Variants in SOX5 observed in about 807,000 individuals in gnomAD.
The protein encoded by SOX5 is SRY-box transcription factor 5, also known as transcription factor SOX-5.
In SOX5, 9 loss-of-function variants were observed where a neutral mutation model predicts 92.0. The observed-to-expected ratio is 0.10, with a 90% CI of 0.06 to 0.17. SOX5 has a LOEUF of 0.17. SOX5 is among the 10% of genes least tolerant of loss of function. The probability of loss-of-function intolerance (pLI) is 1.00; values close to 1 mark genes in which losing one functional copy is unlikely to be tolerated. For synonymous variants in SOX5, 344 were observed against 336.3 expected (o/e 1.02, Z -0.25); for missense variants, 642 against 944.5 (o/e 0.68, Z 4.20).
Position 23,993,308 on chromosome 12 carries a change from A to T in SOX5, c.-1-97284T>A, listed in dbSNP as rs186991156. On this transcript the variant is annotated intron_variant, in intron 4 of 4. Coordinates refer to the SOX5 transcript ENST00000446891. Reference sequence around the variant, plus strand: ...ATACAACAAATAAGCCATATTAAAGAACAGAACTTTGGTAAATCGGAGTAT... The same window carrying T: ...ATACAACAAATAAGCCATATTAAAGTACAGAACTTTGGTAAATCGGAGTAT... Among the ~76,000 whole-genome samples the T allele has an allele frequency of 6.9e-3, 1,055 of 152,334 alleles. 6 individuals carry two copies. The highest frequency in any genetic ancestry group is 0.017 in the Middle Eastern group (5 of 294).
At chr12:24,009,984 C>T (rs564196997) in intron 4 of SOX5, among the ~76,000 whole-genome samples, 2 of 152,256 alleles carry the variant, frequency 1.3e-5, no homozygotes, top group East Asian at 1.9e-4. Context: ...TCTTCCAGTA[C>T]CTAGCGTGTT....
chr12:23,670,076 T>C (rs192624483), intron 6 of SOX5, among the ~76,000 whole-genome samples: 11 of 152,220 alleles, frequency 7.2e-5, no homozygotes, highest in Non-Finnish European at 1.5e-4. Context: ...AAATTAAAGT[T>C]AGACAAAAAT....
At chr12:23,703,133 A>G (rs2090901534) in intron 6 of SOX5, among the ~76,000 whole-genome samples, 1 of 152,072 alleles carries the variant, frequency 6.6e-6, no homozygotes. Flanking sequence ...AACATAATGA[A>G]TAAGTGCCAA....
intron 6 of SOX5, among the ~76,000 whole-genome samples, chr12:23,732,371 G>T (rs2093424927): frequency 6.6e-6 from 1 of 152,030 alleles, no homozygotes; most frequent in Non-Finnish European, 1.5e-5. Context: ...CAAATATATT[G>T]TTACTTTCAT....
intron 6 of SOX5, among the ~76,000 whole-genome samples, chr12:23,729,270 A>G (rs2093296930): frequency 6.6e-6 from 1 of 152,222 alleles, no homozygotes; most frequent in African/African-American, 2.4e-5. Context: ...GGAGTAAACC[A>G]TCTTCTCAAG....
At chr12:23,572,394 T>C (rs138062178) in intron 10 of SOX5, among the ~76,000 whole-genome samples, 16 of 152,126 alleles carry the variant, frequency 1.1e-4, no homozygotes, top group African/African-American at 2.9e-4. Flanking sequence ...GAAAAGTAAA[T>C]TGTAGTAGAC....
chr12:24,306,289 T>C (rs1294854350), intron 2 of SOX5, among the ~76,000 whole-genome samples: 1 of 152,194 alleles, frequency 6.6e-6, no homozygotes, highest in Non-Finnish European at 1.5e-5. Context: ...AGACGAGACC[T>C]GGCACAGCAG....
At chr12:23,583,455 A>C (rs1372758314) in intron 9 of SOX5, among the ~76,000 whole-genome samples, 1 of 152,100 alleles carries the variant, frequency 6.6e-6, no homozygotes, top group African/African-American at 2.4e-5. Context: ...GTCAACAATA[A>C]TGTGTGATGA....
intron 2 of SOX5, among the ~76,000 whole-genome samples, chr12:24,282,151 A>G (rs1357704537): frequency 7.2e-5 from 11 of 152,220 alleles, no homozygotes; most frequent in Non-Finnish European, 1.6e-4. Flanking sequence ...AAAGGAATAT[A>G]CATGATCAAT....
At position 24,514,975 on chromosome 12, in the gene SOX5, T is replaced by C. The variant is rs778741900; in HGVS notation, c.-251+47354A>G. 4.4e-4 allele frequency among the ~76,000 whole-genome samples: 67 copies of C among 152,196 alleles called. No individual in the cohort carries two copies. In the Middle Eastern group the frequency reaches 0.017, roughly 39 times the overall value. On this transcript the variant is annotated intron_variant, in intron 1 of 4. Transcript: ENST00000446891. The stretch of plus-strand genomic sequence containing the variant: ...GCTTAATACCTGGGTGATGAAATAA[T>C]CTGTACAACAAACTCCCATGACACA...
intron 2 of SOX5, among the ~76,000 whole-genome samples, chr12:23,860,956 A>T (rs1252715936): frequency 1.2e-3 from 93 of 78,050 alleles, no homozygotes; most frequent in African/African-American, 4.1e-3. Context: ...ATTTTGTAAA[A>T]AAAAAAAAAA....
Position 24,538,766 on chromosome 12 carries a change from G to A in SOX5, c.-251+23563C>T, listed in dbSNP as rs2955480. 2.3e-3 allele frequency among the ~76,000 whole-genome samples: 352 copies of A among 152,154 alleles called. 2 individuals carry two copies. The highest frequency in any genetic ancestry group is 6.8e-3 in the Middle Eastern group (2 of 294). ...AGAATTGTATAAACATTACTTACTA[G>A]CATAACTCCTACAACACTAAAACTC... On this transcript the variant is annotated intron_variant, in intron 1 of 4. Coordinates refer to the SOX5 transcript ENST00000446891.
At chr12:23,607,412 A>ATTC (rs2075375155) in intron 8 of SOX5, among the ~76,000 whole-genome samples, 1 of 152,234 alleles carries the variant, frequency 6.6e-6, no homozygotes, top group Admixed American at 6.5e-5. Context: ...TTTCAGTAAA[A>ATTC]TTAAAGAAGC....
At chr12:23,876,837 C>T (rs1346180465) in intron 2 of SOX5, among the ~76,000 whole-genome samples, 1 of 152,172 alleles carries the variant, frequency 6.6e-6, no homozygotes, top group African/African-American at 2.4e-5. Flanking sequence ...AGTTCACGTC[C>T]TTTGCAGGGA....
intron 3 of SOX5, among the ~76,000 whole-genome samples, chr12:23,831,508 C>T (rs10771035): frequency 0.5 from 75,437 of 151,846 alleles, 19,637 homozygotes; most frequent in East Asian, 0.77. Context: ...TACCCAACAA[C>T]GGTCTATAGT....
chr12:24,247,100 C>A (rs1346080473), intron 3 of SOX5, among the ~76,000 whole-genome samples: 1 of 152,154 alleles, frequency 6.6e-6, no homozygotes, highest in African/African-American at 2.4e-5. Context: ...ACAGAAGGGG[C>A]ATTCATTCAC....
intron 1 of SOX5, among the ~76,000 whole-genome samples, chr12:23,940,096 A>G (rs1002311033): frequency 3.3e-5 from 5 of 151,178 alleles, no homozygotes; most frequent in African/African-American, 9.7e-5. Context: ...CCCTGACCTA[A>G]AGTGCCACTC....
chr12:23,615,242 T>C (rs892576055), intron 8 of SOX5, among the ~76,000 whole-genome samples: 8 of 152,212 alleles, frequency 5.3e-5, no homozygotes, highest in African/African-American at 1.9e-4. Flanking sequence ...ATTCCTGTCT[T>C]TTTTGGTAAA....
chr12:23,731,364 C>G (rs1164656706), intron 6 of SOX5, among the ~76,000 whole-genome samples: 1 of 152,186 alleles, frequency 6.6e-6, no homozygotes, highest in African/African-American at 2.4e-5. Context: ...ATATATTTAT[C>G]TATACCTACA....
Sources: gnomAD v4.1 joint callset for allele counts (sites outside exome capture counted in the v4.1 genomes callset) on GRCh38, gnomAD v4.1.1 for gene constraint, MANE v1.5 for transcripts, NCBI Gene and HGNC (gene_info 2026-07-23, HGNC 2026-07-21) for gene names.